Variants in SNX29 observed in about 807,000 individuals in gnomAD.
The protein encoded by SNX29 is sorting nexin 29, also known as sorting nexin-29.
In SNX29, 78 loss-of-function variants were observed where a neutral mutation model predicts 102.1. The observed-to-expected ratio is 0.76, with a 90% CI of 0.64 to 0.92. The LOEUF (loss-of-function observed/expected upper bound fraction) is 0.92, where lower values mean the gene tolerates loss of function less well. SNX29 is among the 40% of genes least tolerant of loss of function. SNX29 has a pLI of 0.00. For synonymous variants in SNX29, 580 were observed against 414.5 expected, an observed-to-expected ratio of 1.40 and a Z score of -4.85; for missense variants, 1,280 against 1,061.7, an observed-to-expected ratio of 1.21 and a Z score of -2.86.
intron 19 of SNX29, among the ~76,000 whole-genome samples, chr16:12,484,724 A>G (rs944399070): frequency 2.6e-5 from 4 of 152,138 alleles, no homozygotes; most frequent in African/African-American, 4.8e-5. Flanking sequence ...CATTCACCAG[A>G]TGTCAGTTCA....
chr16:12,071,977 T>G (rs1366453802), intron 10 of SNX29, among the ~76,000 whole-genome samples: 4 of 152,184 alleles, frequency 2.6e-5, no homozygotes, highest in African/African-American at 9.7e-5. Flanking sequence ...TTGTCTGTGA[T>G]TGTTGTGTAA....
chr16:12,235,198 C>G (rs924901694), intron 14 of SNX29, among the ~76,000 whole-genome samples: 1 of 152,114 alleles, frequency 6.6e-6, no homozygotes, highest in African/African-American at 2.4e-5. Context: ...CTCTTTCTTT[C>G]CTTTCTCTCT....
chr16:12,361,707 A>G (rs1030116355), intron 16 of SNX29, among the ~76,000 whole-genome samples: 2 of 152,114 alleles, frequency 1.3e-5, no homozygotes, highest in African/African-American at 4.8e-5. Context: ...ACTTTTTTTC[A>G]TATTATACAA....
chr16:12,051,454 G>A (rs186084395), intron 7 of SNX29, among the ~76,000 whole-genome samples: 24 of 152,250 alleles, frequency 1.6e-4, no homozygotes, highest in African/African-American at 5.3e-4. Flanking sequence ...CACAGGAATG[G>A]CAGGAGTTTG....
chr16:12,439,344 C>A (rs8047094), intron 18 of SNX29, among the ~76,000 whole-genome samples: 1 of 152,142 alleles, frequency 6.6e-6, no homozygotes, highest in Non-Finnish European at 1.5e-5. Context: ...CCTGATTTTC[C>A]GGTGTGGAGT....
chr16:12,112,970 C>T (rs922490511), intron 11 of SNX29, among the ~76,000 whole-genome samples: 3 of 152,202 alleles, frequency 2.0e-5, no homozygotes, highest in African/African-American at 7.2e-5. Context: ...AACCACGCTG[C>T]CTGGGACAGC....
chr16:12,078,756 T>C, intron 10 of SNX29, 77 bp from the exon 11 acceptor site: 1 of 1,280,412 alleles, frequency 7.8e-7, no homozygotes, highest in Non-Finnish European at 1.1e-6. Context: ...TAAACCGACC[T>C]CTGCTAGTTT....
chr16:12,117,069 C>T (rs373744970), intron 11 of SNX29, among the ~76,000 whole-genome samples: 17 of 123,840 alleles, frequency 1.4e-4, no homozygotes, highest in Admixed American at 4.9e-4. Context: ...TCAATGCGGA[C>T]GAACCATGGA....
At chr16:12,169,657 C>T (rs143175388) in intron 13 of SNX29, among the ~76,000 whole-genome samples, 2,264 of 152,200 alleles carry the variant, frequency 0.015, 50 homozygotes, top group African/African-American at 0.053. Flanking sequence ...GTCAGTAGTT[C>T]GAGACCAGCC....
chr16:12,553,546 C>G (rs1021779153), intron 20 of SNX29, among the ~76,000 whole-genome samples: 3 of 152,114 alleles, frequency 2.0e-5, no homozygotes, highest in African/African-American at 7.2e-5. Context: ...CAGAGCACTG[C>G]AGGGAGCTAA....
At chr16:12,557,448 T>TC (rs1315346354) in intron 20 of SNX29, 5 of 152,108 alleles carry the variant, frequency 3.3e-5, no homozygotes, top group Admixed American at 2.6e-4. Flanking sequence ...TGCAACCTCC[T>TC]CCTCCTGGGT....
chr16:12,254,929 T>A (rs2078525140), intron 14 of SNX29, among the ~76,000 whole-genome samples: 1 of 152,140 alleles, frequency 6.6e-6, no homozygotes, highest in South Asian at 2.1e-4. Context: ...GACAGCTCTT[T>A]CCAGGAGGTT....
intron 15 of SNX29, among the ~76,000 whole-genome samples, chr16:12,295,897 C>T (rs1159458495): frequency 1.3e-5 from 2 of 152,144 alleles, no homozygotes; most frequent in African/African-American, 2.4e-5. Context: ...CTGCGCCCAG[C>T]GCTTTCATCT....
chr16:12,570,833 C>CAGCTGGTATTG lies in SNX29; in HGVS notation c.*2206_*2216dup, dbSNP rs1398944959. ...AACCCGTGAGAAACAAGTATGCTCT[C>CAGCTGGTATTG]AGCTGGTATTGAACTGGTGGGAGAA... On this transcript the variant is annotated 3_prime_UTR_variant, in exon 21 of 21. Transcript: ENST00000566228. The CAGCTGGTATTG allele has an allele frequency of 4.3e-6, 1 of 232,312 alleles. No individual in the cohort carries two copies. Among genetic ancestry groups the CAGCTGGTATTG allele is most frequent in the Non-Finnish European group, 8.5e-6 (1 of 117,540 alleles). 14.4% of individuals were successfully genotyped at this position (232,312 alleles called of 1,614,324 possible).
At chr16:12,497,017 G>A (rs1027439410) in intron 19 of SNX29, among the ~76,000 whole-genome samples, 4 of 152,162 alleles carry the variant, frequency 2.6e-5, no homozygotes, top group African/African-American at 7.2e-5. Context: ...TGTGGCCTTG[G>A]GTGAAGCCCA....
intron 13 of SNX29, among the ~76,000 whole-genome samples, chr16:12,178,634 C>G (rs2141818473): frequency 1.3e-5 from 2 of 152,312 alleles, no homozygotes; most frequent in Middle Eastern, 3.4e-3. Context: ...AGAGATGAGT[C>G]AAAACAGGAC....
chr16:12,503,107 A>C (rs2089202505), intron 19 of SNX29, among the ~76,000 whole-genome samples: 13 of 143,070 alleles, frequency 9.1e-5, no homozygotes, highest in South Asian at 2.4e-4. Context: ...CCCATCCACC[A>C]CCCCCACCCC....
In SNX29 at chr16:12,018,746, C is replaced by CT. The variant is rs79506419; in HGVS notation, c.123-8560dup. On this transcript the variant is annotated intron_variant, in intron 3 of 20. Coordinates refer to ENST00000566228, the MANE Select transcript of SNX29 (RefSeq NM_032167.5). ...TATTATCTTTTACACTTTTTTTTGT[C>CT]TTTTTTTTTTTTTTCCTTTTTGTGG... 4.7e-3 allele frequency among the ~76,000 whole-genome samples: 636 copies of CT among 135,512 alleles called. 5 individuals carry two copies. Among genetic ancestry groups the CT allele is most frequent in the East Asian group, 0.033 (155 of 4,702 alleles). 88.9% of individuals were successfully genotyped at this position (135,512 alleles called of 152,430 possible).
At chr16:12,239,046 G>A (rs1292153791) in intron 14 of SNX29, among the ~76,000 whole-genome samples, 1 of 152,222 alleles carries the variant, frequency 6.6e-6, no homozygotes, top group Non-Finnish European at 1.5e-5. Flanking sequence ...CACAACTTGA[G>A]TTTACATCTC....
Sources: gnomAD v4.1 joint callset for allele counts (sites outside exome capture counted in the v4.1 genomes callset) on GRCh38, gnomAD v4.1.1 for gene constraint, MANE v1.5 for transcripts, NCBI Gene and HGNC (gene_info 2026-07-23, HGNC 2026-07-21) for gene names.